The following LAPTM4B variants were observed in gnomAD, a reference collection of about 807,000 sequenced individuals.
LAPTM4B encodes lysosomal-associated transmembrane protein 4B.
In LAPTM4B, 26 loss-of-function variants were observed where a neutral mutation model predicts 28.5. The observed-to-expected ratio is 0.91, with a 90% CI of 0.67 to 1.27. The LOEUF (loss-of-function observed/expected upper bound fraction) is 1.27. LAPTM4B is among the 50% of genes most tolerant of loss of function. The probability of loss-of-function intolerance (pLI) is 0.00; values close to 1 mark genes in which losing one functional copy is unlikely to be tolerated. For synonymous variants in LAPTM4B, 109 were observed against 106.4 expected (o/e 1.02, Z -0.15); for missense variants, 288 against 285.8 (o/e 1.01, Z -0.06).
chr8:97,776,580 C>T (rs1197490039), intron 1 of LAPTM4B, among the ~76,000 whole-genome samples: 1 of 152,222 alleles, frequency 6.6e-6, no homozygotes, highest in Admixed American at 6.5e-5. Context: ...TGTCAATGCT[C>T]GTTCTCCCTG....
At chr8:97,802,539 G>A (rs567057491) in intron 1 of LAPTM4B, among the ~76,000 whole-genome samples, 5 of 152,224 alleles carry the variant, frequency 3.3e-5, no homozygotes, top group African/African-American at 4.8e-5. Flanking sequence ...TTTGGCCGGC[G>A]TCTTTACCAT....
intron 1 of LAPTM4B, among the ~76,000 whole-genome samples, chr8:97,781,491 T>A (rs944135115): frequency 1.3e-5 from 2 of 150,824 alleles, no homozygotes; most frequent in East Asian, 3.9e-4. Context: ...TTGGCCAGGC[T>A]GGTCTTGAAC....
At chr8:97,794,403 T>A (rs1816550491) in intron 1 of LAPTM4B, among the ~76,000 whole-genome samples, 1 of 152,214 alleles carries the variant, frequency 6.6e-6, no homozygotes, top group East Asian at 1.9e-4. Context: ...TGAACCACCA[T>A]GACCAGCTTG....
At chr8:97,782,315 A>ATTT (rs1816334531) in intron 1 of LAPTM4B, among the ~76,000 whole-genome samples, 1 of 109,730 alleles carries the variant, frequency 9.1e-6, no homozygotes, top group African/African-American at 3.6e-5. Flanking sequence ...TTGTGACAAG[A>ATTT]TCTCACTCTA....
intron 1 of LAPTM4B, among the ~76,000 whole-genome samples, chr8:97,790,738 C>T (rs552066461): frequency 6.6e-6 from 1 of 152,200 alleles, no homozygotes; most frequent in African/African-American, 2.4e-5. Context: ...AGCCACTGCG[C>T]CCAGCTGGTT....
chr8:97,787,196 G>A (rs1442338381), intron 1 of LAPTM4B, among the ~76,000 whole-genome samples: 3 of 152,066 alleles, frequency 2.0e-5, no homozygotes, highest in Non-Finnish European at 2.9e-5. Context: ...GATGTGAAAT[G>A]GAAAATGCAC....
At chr8:97,824,960 T>C (rs1586338238) in intron 5 of LAPTM4B, 98 bp from the exon 6 acceptor site, 3 of 682,570 alleles carry the variant, frequency 4.4e-6, no homozygotes, top group African/African-American at 1.8e-5. Flanking sequence ...TTATTGCTTA[T>C]GTCAATAAAA....
At chr8:97,818,915 A>C (rs1816962624) in intron 4 of LAPTM4B, among the ~76,000 whole-genome samples, 1 of 152,134 alleles carries the variant, frequency 6.6e-6, no homozygotes, top group African/African-American at 2.4e-5. Context: ...CAGAGAATAC[A>C]AATTTCAGAG....
intron 6 of LAPTM4B, among the ~76,000 whole-genome samples, chr8:97,832,995 C>T (rs1034682128): frequency 2.7e-4 from 40 of 150,920 alleles, no homozygotes; most frequent in African/African-American, 6.1e-4. Context: ...TGTGAGCCAC[C>T]GCTCCTGACC....
chr8:97,851,479 T>A lies in LAPTM4B; in HGVS notation c.*5T>A. ...CCACCTTACGTGTCTGCCTAAGCCT[T>A]CAAGTGGGCGGAGCTGAGGGCAGCA... On this transcript the variant is annotated 3_prime_UTR_variant, in exon 7 of 7. Coordinates refer to ENST00000521545, the MANE Select transcript of LAPTM4B (RefSeq NM_018407.6). The A allele has an allele frequency of 6.2e-7, 1 of 1,611,550 alleles. No homozygotes were observed. The highest frequency in any genetic ancestry group is 1.7e-5 in the Admixed American group (1 of 60,028).
chr8:97,779,302 C>T (rs1816271766), intron 1 of LAPTM4B, among the ~76,000 whole-genome samples: 1 of 151,580 alleles, frequency 6.6e-6, no homozygotes, highest in African/African-American at 2.4e-5. Flanking sequence ...CCAACCATGG[C>T]CAGTGTGGTA....
At chr8:97,791,426 CT>C (rs1816496800) in intron 1 of LAPTM4B, among the ~76,000 whole-genome samples, 1 of 152,196 alleles carries the variant, frequency 6.6e-6, no homozygotes, top group African/African-American at 2.4e-5. Context: ...TCTAGACATC[CT>C]TCTTGTTAAT....
chr8:97,837,384 G>A (rs1484418127), intron 6 of LAPTM4B, among the ~76,000 whole-genome samples: 1 of 151,862 alleles, frequency 6.6e-6, no homozygotes, highest in Admixed American at 6.6e-5. Flanking sequence ...TTAGAGACAG[G>A]GTTTCACCAC....
chr8:97,830,991 G>A (rs1478270484), intron 6 of LAPTM4B, among the ~76,000 whole-genome samples: 1 of 152,146 alleles, frequency 6.6e-6, no homozygotes, highest in South Asian at 2.1e-4. Flanking sequence ...ATACCCTGTG[G>A]GTTCTTGAAG....
chr8:97,831,657 A>G (rs1817184134), intron 6 of LAPTM4B, among the ~76,000 whole-genome samples: 1 of 152,196 alleles, frequency 6.6e-6, no homozygotes, highest in Non-Finnish European at 1.5e-5. Context: ...TCTAAGAACC[A>G]CTTGCCTTGA....
chr8:97,778,426 C>T (rs1816259697), intron 1 of LAPTM4B, among the ~76,000 whole-genome samples: 1 of 152,016 alleles, frequency 6.6e-6, no homozygotes, highest in African/African-American at 2.4e-5. Flanking sequence ...AGACAAGACT[C>T]CATCTTGGCT....
intron 1 of LAPTM4B, among the ~76,000 whole-genome samples, chr8:97,789,620 C>T (rs557993856): frequency 1.1e-4 from 17 of 148,502 alleles, no homozygotes; most frequent in African/African-American, 3.2e-4. Context: ...CCCTGCCTCC[C>T]GGGTTCAAGC....
At chr8:97,850,198 A>C (rs1817501148) in intron 6 of LAPTM4B, among the ~76,000 whole-genome samples, 1 of 151,936 alleles carries the variant, frequency 6.6e-6, no homozygotes, top group South Asian at 2.1e-4. Flanking sequence ...ATTCTTCATG[A>C]AACTATATTC....
At chr8:97,849,496 C>T (rs566010833) in intron 6 of LAPTM4B, among the ~76,000 whole-genome samples, 8 of 152,216 alleles carry the variant, frequency 5.3e-5, no homozygotes, top group Non-Finnish European at 1.0e-4. Context: ...TCCTTTTCCA[C>T]GTGGGCAACG....
Sources: allele counts gnomAD v4.1 joint callset (sites outside exome capture counted in the v4.1 genomes callset), GRCh38; gene constraint gnomAD v4.1.1; transcripts MANE v1.5; gene names NCBI Gene and HGNC (gene_info 2026-07-23, HGNC 2026-07-21).